The following TTC39A variants were observed in gnomAD, a reference collection of about 807,000 sequenced individuals.
The protein encoded by TTC39A is tetratricopeptide repeat domain 39A.
Under a neutral mutation model 82.3 loss-of-function variants are expected in TTC39A, and 46 were observed. The ratio of observed to expected loss-of-function variants is 0.56; its 90% CI spans 0.44 to 0.71. TTC39A has a LOEUF of 0.71. TTC39A is among the 30% of genes least tolerant of loss of function. The pLI is 0.00. For synonymous variants in TTC39A, 254 were observed against 275.2 expected (o/e 0.92, Z 0.76); for missense variants, 543 against 712.9 (o/e 0.76, Z 2.71).
At chr1:51,338,655 C>T (rs1377711063) in intron 1 of TTC39A, among the ~76,000 whole-genome samples, 5 of 137,930 alleles carry the variant, frequency 3.6e-5, no homozygotes, top group African/African-American at 8.3e-5. Flanking sequence ...CCAAGCTGAG[C>T]GTAGTGGTAC....
intron 12 of TTC39A, chr1:51,296,920 T>TC (rs1477707908): frequency 6.5e-6 from 1 of 153,636 alleles, no homozygotes; most frequent in African/African-American, 2.4e-5. Flanking sequence ...CCCCACCCAG[T>TC]CCTCCCTGCA....
intron 12 of TTC39A, 41 bp from the exon 13 acceptor site, chr1:51,296,211 C>T (rs1190514398): frequency 1.3e-6 from 2 of 1,553,054 alleles, no homozygotes; most frequent in Non-Finnish European, 8.7e-7. Flanking sequence ...AGCAGCCCTC[C>T]TCCAGCCCCA....
intron 1 of TTC39A, among the ~76,000 whole-genome samples, chr1:51,341,095 G>T (rs769931937): frequency 1.3e-5 from 2 of 152,166 alleles, no homozygotes; most frequent in Non-Finnish European, 1.5e-5. Context: ...CTGGAAGGTG[G>T]AGGTTGCAGT....
At position 51,321,821 on chromosome 1, in the gene TTC39A, G is replaced by C. The variant is rs755415096; in HGVS notation, c.46C>G (p.Pro16Ala). Reference sequence around the variant, plus strand: ...AGGGCCTCATGGAGGCTGCTCTCAGGAGTCCTGGGGGAAGAGATGCGGGGC... The same window carrying C: ...AGGGCCTCATGGAGGCTGCTCTCAGCAGTCCTGGGGGAAGAGATGCGGGGC... Reference protein sequence around the residue: ...GAPGALPAGTPESSLHEALDQ... With the variant: ...GAPGALPAGTAESSLHEALDQ... The change falls in exon 2 of 18, where the codon CCT becomes GCT. Residue 16 changes from proline (P) to alanine (A), a missense_variant. Coordinates refer to ENST00000680483, the MANE Select transcript of TTC39A (RefSeq NM_001297663.2). This position sits in a 1 kb window ranked among gnomAD's most constrained non-coding sequence, Gnocchi z 4.6. The C allele has an allele frequency of 6.2e-7, 1 of 1,613,182 alleles. No homozygotes were observed. Among genetic ancestry groups the C allele is most frequent in the East Asian group, 2.2e-5 (1 of 44,864 alleles).
chr1:51,326,305 CTG>C (rs1208265968), intron 1 of TTC39A, among the ~76,000 whole-genome samples: 1 of 152,078 alleles, frequency 6.6e-6, no homozygotes, highest in African/African-American at 2.4e-5. Context: ...TGCCATCAAA[CTG>C]AGAACAAGAT....
At chr1:51,322,108 A>T (rs1316416126) in intron 1 of TTC39A, 1 of 1,552,392 alleles carries the variant, frequency 6.4e-7, no homozygotes, top group Non-Finnish European at 8.7e-7. Flanking sequence ...TCAGGAATCA[A>T]TGATCTTACC....
intron 1 of TTC39A, among the ~76,000 whole-genome samples, chr1:51,344,804 C>A (rs1249308306): frequency 6.6e-6 from 1 of 152,224 alleles, no homozygotes; most frequent in Non-Finnish European, 1.5e-5. Flanking sequence ...CTGCTGGGGG[C>A]GAGGACAGAG....
At chr1:51,323,583 C>T (rs1268343521) in intron 1 of TTC39A, among the ~76,000 whole-genome samples, 1 of 152,202 alleles carries the variant, frequency 6.6e-6, no homozygotes, top group East Asian at 1.9e-4. Flanking sequence ...AACTTCTATA[C>T]TATCTCTTGG....
chr1:51,343,897 T>C (rs563014260), intron 1 of TTC39A, among the ~76,000 whole-genome samples: 200 of 152,288 alleles, frequency 1.3e-3, no homozygotes, highest in African/African-American at 4.7e-3. Flanking sequence ...CCACCACGCC[T>C]AGCCTATGGA....
chr1:51,307,632 G>C (rs1644921367), intron 6 of TTC39A, among the ~76,000 whole-genome samples: 1 of 151,628 alleles, frequency 6.6e-6, no homozygotes, highest in Non-Finnish European at 1.5e-5. Flanking sequence ...CCACTCGGGA[G>C]GCTGAGGCAG....
Position 51,289,998 on chromosome 1 carries a change from CACTT to C in TTC39A, c.1493+3_1493+6del, listed in dbSNP as rs775378371. ...GACCCAGAAGGAGCAGCTGCAGAGG[CACTT>C]ACTTGGCAGAGATGCTCCTAAAATT... On this transcript the variant is annotated splice_donor_5th_base_variant and intron_variant, in intron 16 of 17. Coordinates refer to ENST00000680483, the MANE Select transcript of TTC39A (RefSeq NM_001297663.2). 3 of 1,610,338 alleles carry C rather than the reference CACTT, an allele frequency of 1.9e-6. No homozygotes were observed. The South Asian group carries it at 3.3e-5, about 18-fold the overall frequency.
chr1:51,307,904 C>T (rs1222323533), intron 6 of TTC39A, among the ~76,000 whole-genome samples: 2 of 152,102 alleles, frequency 1.3e-5, no homozygotes, highest in Non-Finnish European at 2.9e-5. Context: ...CAATATCCAT[C>T]GCCATGAATT....
chr1:51,301,648 C>T lies in TTC39A; in HGVS notation c.977G>A (p.Cys326Tyr). The change falls in exon 12 of 18, where the codon TGC (cysteine) becomes TAC (tyrosine). Residue 326 changes from cysteine (C) to tyrosine (Y), a missense_variant. Cys to Tyr is a radical substitution (Grantham distance 194). Coordinates refer to ENST00000680483, the MANE Select transcript of TTC39A (RefSeq NM_001297663.2). The stretch of plus-strand genomic sequence containing the variant: ...CTTCCACTGGCCCTTGTAGGTGAAG[C>T]ACCACATCAGCTCCCAGTAGCACAT... ...HHMCYWELMWCFTYKGQWKMS... is the reference protein window; with the variant it reads ...HHMCYWELMWYFTYKGQWKMS... The T allele has an allele frequency of 1.9e-6, 3 of 1,613,860 alleles. No individual in the cohort carries two copies. Among genetic ancestry groups the T allele is most frequent in the Non-Finnish European group, 2.5e-6 (3 of 1,179,792 alleles).
Position 51,294,598 on chromosome 1 carries a change from C to A in TTC39A, c.1146-87G>T. The A allele has an allele frequency of 6.4e-7, 1 of 1,561,898 alleles. No homozygotes were observed. Among genetic ancestry groups the A allele is most frequent in the Non-Finnish European group, 8.7e-7 (1 of 1,150,832 alleles). On this transcript the variant is annotated intron_variant, in intron 13 of 17. Transcript: ENST00000680483. This position sits in a 1 kb window ranked among gnomAD's most constrained non-coding sequence, Gnocchi z 4.3. ...CCAGCCTACCCAGCTATGCTTGGCGCCTCTCTGGGCCTCAGTTTCCCCATC... is the reference window on the plus strand; with the variant it reads ...CCAGCCTACCCAGCTATGCTTGGCGACTCTCTGGGCCTCAGTTTCCCCATC...
intron 7 of TTC39A, chr1:51,305,572 T>C (rs1644837574): frequency 3.2e-6 from 1 of 310,674 alleles, no homozygotes. Context: ...GGAACAAGAC[T>C]TAGTTCTCTG....
rs761288928 is a variant in TTC39A at position 51,288,219 on chromosome 1, G to A, written c.1672C>T (p.Leu558Phe). 29 of 1,614,084 alleles carry A rather than the reference G, an allele frequency of 1.8e-5. No homozygotes were observed. In the East Asian group the frequency reaches 6.2e-4, roughly 35 times the overall value. The change falls in exon 18 of 18, where the codon CTC becomes TTC. Residue 558 changes from leucine to phenylalanine, a missense_variant. By Grantham distance (22) the Leu-to-Phe change is conservative (BLOSUM62 0). Transcript: ENST00000680483. The surrounding 1 kb of genome is among the most constrained non-coding windows in gnomAD (Gnocchi z 4.8). ...TTCTCTAGGGAAGACTTGGCTTGGA[G>A]TGTGGCTGCCTGGATTCGAAAGTGT... is the stretch of plus-strand genomic sequence containing the variant. Reference protein sequence around the residue: ...RTHFRIQAATLQAKSSLENSS... With the variant: ...RTHFRIQAATFQAKSSLENSS...
chr1:51,319,321 G>C (rs1645405504), intron 2 of TTC39A, among the ~76,000 whole-genome samples: 1 of 152,078 alleles, frequency 6.6e-6, no homozygotes, highest in Non-Finnish European at 1.5e-5. Context: ...AAAAGATAAA[G>C]CAATGGGAAA....
chr1:51,296,217 CCCCAGCCGGGCTGGA>C (rs1430025451), intron 12 of TTC39A, 47 bp from the exon 13 acceptor site: 2 of 1,545,204 alleles, frequency 1.3e-6, no homozygotes, highest in Non-Finnish European at 8.8e-7. Flanking sequence ...CCTCCTCCAG[CCCCAGCCGGGCTGGA>C]ATCTGCAGAC....
In TTC39A at chr1:51,294,613, G is replaced by A; in HGVS notation, c.1146-102C>T. ...ATGCTTGGCGCCTCTCTGGGCCTCA[G>A]TTTCCCCATCTGCACAATGACAGTG... On this transcript the variant is annotated intron_variant, in intron 13 of 17. Coordinates refer to ENST00000680483, the MANE Select transcript of TTC39A (RefSeq NM_001297663.2). The surrounding 1 kb of genome is among the most constrained non-coding windows in gnomAD (Gnocchi z 4.3). The A allele has an allele frequency of 6.6e-7, 1 of 1,519,756 alleles. No homozygotes were observed. The highest frequency in any genetic ancestry group is 8.9e-7 in the Non-Finnish European group (1 of 1,119,938). The allele number at this position is 1,519,756 out of a possible 1,614,324, so 94.1% of individuals were successfully genotyped here.
Sources: allele counts gnomAD v4.1 joint callset (sites outside exome capture counted in the v4.1 genomes callset), GRCh38; gene constraint gnomAD v4.1.1; non-coding constraint Gnocchi (gnomAD v3.1); transcripts MANE v1.5; gene names NCBI Gene and HGNC (gene_info 2026-07-23, HGNC 2026-07-21).